Variants in KIF6 observed in about 807,000 individuals in gnomAD.
The protein encoded by KIF6 is kinesin-like protein KIF6.
In KIF6, 106 loss-of-function variants were observed where a neutral mutation model predicts 112.7. That is an observed-to-expected ratio of 0.94 (90% confidence interval 0.80 to 1.11). The LOEUF is 1.11. Among genes scored for constraint, KIF6 ranks in the 50% least tolerant of loss-of-function variants. The pLI, the probability that KIF6 is intolerant of heterozygous loss-of-function variation, is 0.00. For missense variants in KIF6, 929 were observed against 964.0 expected, an observed-to-expected ratio of 0.96 and a Z score of 0.48; for synonymous variants, 339 against 339.9, an observed-to-expected ratio of 1.00 and a Z score of 0.03.
rs533713768 is a variant in KIF6 at position 39,510,218 on chromosome 6, C to T, written c.1645+29785G>A. On this transcript the variant is annotated intron_variant, in intron 13 of 22. Transcript: ENST00000287152. ...ATGCCATTCTCCTGCTTCAGCCTCC[C>T]GAGTACTGGGTCTACAGGCACCTGC... is the stretch of plus-strand genomic sequence containing the variant. 6.6e-5 allele frequency among the ~76,000 whole-genome samples: 10 copies of T among 151,828 alleles called. No homozygotes were observed. In the East Asian group the frequency reaches 1.2e-3, roughly 18 times the overall value.
At chr6:39,339,447 G>T (rs1400582993) in intron 22 of KIF6, among the ~76,000 whole-genome samples, 5 of 152,090 alleles carry the variant, frequency 3.3e-5, no homozygotes, top group African/African-American at 1.2e-4. Context: ...TTCCCTGGGA[G>T]GGTTTCTGAA....
chr6:39,547,604 T>A (rs1324899582), intron 10 of KIF6, among the ~76,000 whole-genome samples: 1 of 152,188 alleles, frequency 6.6e-6, no homozygotes, highest in Admixed American at 6.5e-5. Context: ...AAATCCACTG[T>A]TAACAGTTAA....
At chr6:39,399,094 C>T (rs1768493195) in intron 15 of KIF6, among the ~76,000 whole-genome samples, 1 of 152,218 alleles carries the variant, frequency 6.6e-6, no homozygotes, top group Admixed American at 6.5e-5. Flanking sequence ...AGCTTATAGG[C>T]TTGCCCTGTT....
intron 3 of KIF6, among the ~76,000 whole-genome samples, chr6:39,709,586 C>A (rs930410623): frequency 6.6e-6 from 1 of 152,180 alleles, no homozygotes; most frequent in African/African-American, 2.4e-5. Flanking sequence ...CATAGTCATG[C>A]ACATAATATC....
Position 39,676,485 on chromosome 6 carries a change from G to T in KIF6, c.252-36728C>A, listed in dbSNP as rs1297542747. 2.0e-5 allele frequency among the ~76,000 whole-genome samples: 3 copies of T among 152,094 alleles called. No homozygotes were observed. The East Asian group carries it at 5.8e-4, about 29-fold the overall frequency. On this transcript the variant is annotated intron_variant, in intron 3 of 22. Transcript: ENST00000287152. The stretch of plus-strand genomic sequence containing the variant: ...GGAAGAAGGAAACTGAAACCAGAAA[G>T]AAGTGAAAACAGGCAACACTTAGCA...
chr6:39,418,612 G>A (rs868660514), intron 15 of KIF6, among the ~76,000 whole-genome samples: 4 of 152,096 alleles, frequency 2.6e-5, no homozygotes, highest in Admixed American at 6.5e-5. Flanking sequence ...TTCAGTTAGA[G>A]GTTAGTAGAA....
At chr6:39,630,736 T>C (rs2150751362) in intron 5 of KIF6, among the ~76,000 whole-genome samples, 1 of 152,182 alleles carries the variant, frequency 6.6e-6, no homozygotes, top group East Asian at 1.9e-4. Flanking sequence ...GAGAGGGACA[T>C]ACTTTCCTTG....
intron 10 of KIF6, among the ~76,000 whole-genome samples, chr6:39,574,784 G>A (rs1003280671): frequency 3.3e-5 from 5 of 151,948 alleles, no homozygotes; most frequent in African/African-American, 1.2e-4. Flanking sequence ...ATCAGATATT[G>A]GTAAATATAG....
At chr6:39,573,497 C>T (rs1008467244) in intron 10 of KIF6, among the ~76,000 whole-genome samples, 2 of 152,172 alleles carry the variant, frequency 1.3e-5, no homozygotes, top group Non-Finnish European at 2.9e-5. Context: ...TCTGAATAAT[C>T]TGCACTGTCA....
At chr6:39,364,278 G>A (rs1472873634) in intron 16 of KIF6, among the ~76,000 whole-genome samples, 2 of 151,988 alleles carry the variant, frequency 1.3e-5, no homozygotes, top group Non-Finnish European at 2.9e-5. Context: ...ACACCACCAC[G>A]CCCAGCTAAT....
chr6:39,584,510 G>C (rs1781506755), intron 9 of KIF6, among the ~76,000 whole-genome samples: 1 of 135,446 alleles, frequency 7.4e-6, no homozygotes, highest in Admixed American at 8.1e-5. Context: ...GAAAGGCTAA[G>C]TTCTGCATAT....
intron 13 of KIF6, among the ~76,000 whole-genome samples, chr6:39,468,503 A>G (rs551900007): frequency 1.3e-5 from 2 of 152,172 alleles, no homozygotes; most frequent in Non-Finnish European, 2.9e-5. Flanking sequence ...GTCATGGACA[A>G]TAAGATTAAA....
At chr6:39,622,484 G>T (rs1329073241) in intron 5 of KIF6, among the ~76,000 whole-genome samples, 1 of 151,944 alleles carries the variant, frequency 6.6e-6, no homozygotes, top group Non-Finnish European at 1.5e-5. Context: ...GACTTTTCTT[G>T]TACTCTTTTG....
chr6:39,435,611 A>C (rs949158323), intron 13 of KIF6, among the ~76,000 whole-genome samples: 2 of 151,888 alleles, frequency 1.3e-5, no homozygotes, highest in African/African-American at 4.8e-5. Flanking sequence ...CCCACTTATA[A>C]GTGAGAATAT....
At chr6:39,503,502 C>T (rs867618017) in intron 13 of KIF6, among the ~76,000 whole-genome samples, 17 of 150,292 alleles carry the variant, frequency 1.1e-4, no homozygotes, top group African/African-American at 2.7e-4. Flanking sequence ...GACAGAAACA[C>T]GAAAACCCCT....
intron 5 of KIF6, among the ~76,000 whole-genome samples, chr6:39,616,591 C>G (rs555680997): frequency 1.3e-5 from 2 of 152,156 alleles, no homozygotes; most frequent in Non-Finnish European, 2.9e-5. Context: ...CTCTTCTTGC[C>G]AGTTTTCAGA....
intron 13 of KIF6, among the ~76,000 whole-genome samples, chr6:39,502,176 C>T (rs1172244809): frequency 6.6e-6 from 1 of 152,044 alleles, no homozygotes; most frequent in African/African-American, 2.4e-5. Context: ...AGATTGTGGG[C>T]CAATACTCAA....
Position 39,333,632 on chromosome 6 carries a change from G to A in KIF6, c.*2900C>T, listed in dbSNP as rs1762813955. ...TGGGCCATGACAAAGCTTTGGATGT[G>A]TAATTCTATACTGGTGGTGAAGAAT... On this transcript the variant is annotated 3_prime_UTR_variant, in exon 23 of 23. Coordinates refer to ENST00000287152, the MANE Select transcript of KIF6 (RefSeq NM_145027.6). 6.6e-6 allele frequency: 1 copy of A among 152,350 alleles called. No individual in the cohort carries two copies. The highest frequency in any genetic ancestry group is 2.1e-4 in the South Asian group (1 of 4,830). 9.4% of individuals were successfully genotyped at this position (152,350 alleles called of 1,614,324 possible).
chr6:39,705,510 T>C (rs1322185852), intron 3 of KIF6, among the ~76,000 whole-genome samples: 3 of 152,222 alleles, frequency 2.0e-5, no homozygotes, highest in Non-Finnish European at 4.4e-5. Flanking sequence ...ATCCTCTATC[T>C]GCCAATTCTC....
Sources: gnomAD v4.1 joint callset for allele counts (sites outside exome capture counted in the v4.1 genomes callset) on GRCh38, gnomAD v4.1.1 for gene constraint, MANE v1.5 for transcripts, NCBI Gene and HGNC (gene_info 2026-07-23, HGNC 2026-07-21) for gene names.